The following RABGEF1 variants were observed in gnomAD, a reference collection of about 807,000 sequenced individuals.
RABGEF1 encodes rab5 GDP/GTP exchange factor.
In RABGEF1, 26 loss-of-function variants were observed where a neutral mutation model predicts 57.3. The observed-to-expected ratio is 0.45, with a 90% confidence interval of 0.33 to 0.63. The LOEUF is 0.63. Among genes scored for constraint, RABGEF1 ranks in the 20% least tolerant of loss-of-function variants. RABGEF1 has a pLI of 0.02. For synonymous variants in RABGEF1, 185 were observed against 210.7 expected, an observed-to-expected ratio of 0.88 and a Z score of 1.06; for missense variants, 464 against 607.6, an observed-to-expected ratio of 0.76 and a Z score of 2.48.
the RABGEF1 span, among the ~76,000 whole-genome samples, chr7:66,664,521 T>C: frequency 6.6e-6 from 1 of 151,534 alleles, no homozygotes; most frequent in East Asian, 2.0e-4. Context: ...CTCAAACTCC[T>C]TGAGCCCAGG....
At chr7:66,788,148 CT>C (rs1166784404) in intron 4 of RABGEF1, among the ~76,000 whole-genome samples, 1 of 152,018 alleles carries the variant, frequency 6.6e-6, no homozygotes, top group Non-Finnish European at 1.5e-5. Flanking sequence ...TGCAGTAGTG[CT>C]TTTTAATAAA....
rs563748054 is a variant in RABGEF1, at chr7:66,692,505, A to G, written c.-873+10247A>G. Among the ~76,000 whole-genome samples the G allele has an allele frequency of 2.6e-5, 4 of 152,324 alleles. No homozygotes were observed. The East Asian group carries it at 7.7e-4, about 29-fold the overall frequency. ...GCTGTTCCCACCCAAAACCATCACCATGAAGGAGCTGAGGGACTGTGTTCC... is the reference window on the plus strand; with the variant it reads ...GCTGTTCCCACCCAAAACCATCACCGTGAAGGAGCTGAGGGACTGTGTTCC... On this transcript the variant is annotated intron_variant and NMD_transcript_variant, in intron 1 of 9. Transcript: ENST00000607882.
chr7:66,803,060 A>T (rs1787648552), intron 7 of RABGEF1, among the ~76,000 whole-genome samples: 1 of 152,240 alleles, frequency 6.6e-6, no homozygotes, highest in Non-Finnish European at 1.5e-5. Context: ...AATAAGTTCC[A>T]TATAAGTAGA....
intron 8 of RABGEF1, among the ~76,000 whole-genome samples, chr7:66,806,969 A>G (rs1253949493): frequency 6.6e-6 from 1 of 152,176 alleles, no homozygotes; most frequent in Non-Finnish European, 1.5e-5. Flanking sequence ...TAAATGAAAC[A>G]TACACTTGCC....
intron 2 of RABGEF1, among the ~76,000 whole-genome samples, chr7:66,715,503 T>G (rs918701205): frequency 6.6e-6 from 1 of 152,214 alleles, no homozygotes; most frequent in African/African-American, 2.4e-5. Flanking sequence ...AGTTTTGACA[T>G]GTTCTATTTT....
intron 7 of RABGEF1, among the ~76,000 whole-genome samples, chr7:66,804,643 G>C (rs1303556584): frequency 6.6e-6 from 1 of 151,192 alleles, no homozygotes; most frequent in Non-Finnish European, 1.5e-5. Flanking sequence ...GCTGAGGCAA[G>C]AGAATCGCTT....
At chr7:66,743,451 A>C (rs1255386525) in intron 1 of RABGEF1, among the ~76,000 whole-genome samples, 1 of 151,974 alleles carries the variant, frequency 6.6e-6, no homozygotes, top group Non-Finnish European at 1.5e-5. Flanking sequence ...CAGCCTCCCA[A>C]GTAACTGGGA....
At chr7:66,663,134 A>G in the RABGEF1 span, among the ~76,000 whole-genome samples, 1 of 152,270 alleles carries the variant, frequency 6.6e-6, no homozygotes, top group Non-Finnish European at 1.5e-5. Flanking sequence ...TTCCTGCTGC[A>G]GTTAACTAAC....
chr7:66,798,357 AG>A (rs3839687), intron 6 of RABGEF1, among the ~76,000 whole-genome samples: 2,223 of 152,224 alleles, frequency 0.015, 61 homozygotes, highest in East Asian at 0.094. Context: ...AGGTGTTTTA[AG>A]GGGAGAAGGG....
At position 66,775,250 on chromosome 7, in the gene RABGEF1, C is replaced by A. The variant is rs1375013109; in HGVS notation, c.203C>A (p.Ala68Asp). Residue 68 changes from alanine to aspartate, a missense_variant, in exon 3 of 9, where the codon GCC becomes GAC. By Grantham distance (126) the Ala-to-Asp change is moderately radical (BLOSUM62 -2). Transcript: ENST00000284957. Reference sequence around the variant, plus strand: ...AGACTCCAGCGGGAGGAAGAAGAGGCCTTTGCCAGCAGTCAGAGCAGCCAA... The same window carrying A: ...AGACTCCAGCGGGAGGAAGAAGAGGACTTTGCCAGCAGTCAGAGCAGCCAA... ...AERLQREEEE[A>D]FASSQSSQGA... The A allele has an allele frequency of 6.2e-7, 1 of 1,613,246 alleles. No individual in the cohort carries two copies. Among genetic ancestry groups the A allele is most frequent in the East Asian group, 2.2e-5 (1 of 44,884 alleles).
In RABGEF1 at chr7:66,809,244, A is replaced by C; in HGVS notation, c.1436A>C (p.Lys479Thr). Residue 479 changes from lysine (K) to threonine (T), a missense_variant, in exon 9 of 9, where the codon AAA becomes ACA. Coordinates refer to ENST00000284957, the MANE Select transcript of RABGEF1 (RefSeq NM_014504.3). ...AIDSENVEND[K>T]LPPPLQPQVY... is the part of the protein sequence containing the mutation. ...GACTCTGAAAACGTTGAAAATGATA[A>C]ACTTCCTCCACCACTGCAACCTCAA... 2 of 1,612,030 alleles carry C rather than the reference A, an allele frequency of 1.2e-6. No homozygotes were observed. Among genetic ancestry groups the C allele is most frequent in the Non-Finnish European group, 1.7e-6 (2 of 1,178,510 alleles).
chr7:66,788,958 C>CA (rs1023496445), intron 4 of RABGEF1, among the ~76,000 whole-genome samples: 1 of 149,466 alleles, frequency 6.7e-6, no homozygotes, highest in African/African-American at 2.5e-5. Flanking sequence ...AACTCTGTCT[C>CA]AAAAAAAAAT....
chr7:66,706,975 C>T (rs1278097595), intron 1 of RABGEF1, among the ~76,000 whole-genome samples: 1 of 150,688 alleles, frequency 6.6e-6, no homozygotes, highest in Non-Finnish European at 1.5e-5. Flanking sequence ...TTAGTAGAGA[C>T]GGGGTTTCAC....
chr7:66,794,783 A>G (rs1430909795), intron 4 of RABGEF1, among the ~76,000 whole-genome samples: 4 of 152,202 alleles, frequency 2.6e-5, no homozygotes, highest in Non-Finnish European at 4.4e-5. Flanking sequence ...ATTTATACCT[A>G]CAGTGCACAA....
At chr7:66,701,398 A>T (rs538365792) in intron 1 of RABGEF1, among the ~76,000 whole-genome samples, 7 of 151,830 alleles carry the variant, frequency 4.6e-5, no homozygotes, top group African/African-American at 1.7e-4. Context: ...GCTACTAGGG[A>T]GGCTGAGATG....
chr7:66,655,612 C>T, the RABGEF1 span, among the ~76,000 whole-genome samples: 1 of 152,186 alleles, frequency 6.6e-6, no homozygotes, highest in South Asian at 2.1e-4. Flanking sequence ...TTAAGCGATC[C>T]TCCCGCCTCG....
intron 2 of RABGEF1, among the ~76,000 whole-genome samples, chr7:66,716,329 G>T (rs1209873252): frequency 1.3e-5 from 2 of 152,200 alleles, no homozygotes; most frequent in Non-Finnish European, 2.9e-5. Flanking sequence ...GCCAGGTGCA[G>T]CGGCTCATGC....
chr7:66,750,253 A>G (rs1801116312), intron 1 of RABGEF1, among the ~76,000 whole-genome samples: 1 of 152,234 alleles, frequency 6.6e-6, no homozygotes, highest in Admixed American at 6.5e-5. Context: ...AATACCATCT[A>G]TGAGAAATTC....
At chr7:66,784,046 G>A (rs748323083) in intron 4 of RABGEF1, among the ~76,000 whole-genome samples, 4 of 152,122 alleles carry the variant, frequency 2.6e-5, no homozygotes, top group African/African-American at 4.8e-5. Flanking sequence ...GTGGTGTTTG[G>A]ATCATCTTTG....
Sources: gnomAD v4.1 joint callset for allele counts (sites outside exome capture counted in the v4.1 genomes callset) on GRCh38, gnomAD v4.1.1 for gene constraint, MANE v1.5 for transcripts, NCBI Gene and HGNC (gene_info 2026-07-23, HGNC 2026-07-21) for gene names.